The following CALD1 variants were observed in gnomAD, a reference collection of about 807,000 sequenced individuals.
CALD1 encodes the protein caldesmon 1.
In CALD1, 33 loss-of-function variants were observed where a neutral mutation model predicts 99.9. That is an observed-to-expected ratio of 0.33 (90% CI 0.25 to 0.44). CALD1 has a LOEUF of 0.44. CALD1 is among the 20% of genes least tolerant of loss of function. The probability of loss-of-function intolerance (pLI) is 1.00; values close to 1 mark genes in which losing one functional copy is unlikely to be tolerated. For synonymous variants in CALD1, 310 were observed against 325.0 expected, an observed-to-expected ratio of 0.95 and a Z score of 0.50; for missense variants, 861 against 962.1, an observed-to-expected ratio of 0.89 and a Z score of 1.39.
intron 3 of CALD1, among the ~76,000 whole-genome samples, chr7:134,927,672 G>A (rs985904347): frequency 6.6e-6 from 1 of 150,620 alleles, no homozygotes; most frequent in African/African-American, 2.4e-5. Context: ...GGGCCATTGT[G>A]ATGTGCCCAG....
At chr7:134,895,049 T>C (rs1375068378) in intron 3 of CALD1, among the ~76,000 whole-genome samples, 1 of 151,826 alleles carries the variant, frequency 6.6e-6, no homozygotes, top group East Asian at 1.9e-4. Context: ...ATTATTTAGT[T>C]CATCCCACTG....
At chr7:134,777,279 A>G (rs1406328078), upstream of CALD1, among the ~76,000 whole-genome samples, 1 of 152,170 alleles carries the variant, frequency 6.6e-6, no homozygotes, top group Admixed American at 6.5e-5. Flanking sequence ...TCAACTATAT[A>G]GTTCCTCCAT....
intron 1 of CALD1, among the ~76,000 whole-genome samples, chr7:134,763,320 C>T (rs1796795355): frequency 6.6e-6 from 1 of 152,134 alleles, no homozygotes; most frequent in South Asian, 2.1e-4. Flanking sequence ...GTGTAAATGG[C>T]AGGCAAAGAG....
chr7:134,811,322 G>C (rs1042020213), intron 1 of CALD1, among the ~76,000 whole-genome samples: 2 of 152,152 alleles, frequency 1.3e-5, no homozygotes, highest in Admixed American at 1.3e-4. Flanking sequence ...TCTTCACTGG[G>C]GGCAGGGGTC....
chr7:134,839,629 T>C (rs1799574716), intron 1 of CALD1, among the ~76,000 whole-genome samples: 1 of 152,200 alleles, frequency 6.6e-6, no homozygotes, highest in Non-Finnish European at 1.5e-5. Context: ...TAAGTTTCAA[T>C]TTGAATTTTT....
At chr7:134,899,771 G>T (rs779769919) in intron 3 of CALD1, 1 of 152,482 alleles carries the variant, frequency 6.6e-6, no homozygotes, top group Non-Finnish European at 1.5e-5. Context: ...AGCTTCCTGA[G>T]TAGCTAGGAC....
At chr7:134,756,698 G>C (rs965159821) in intron 1 of CALD1, among the ~76,000 whole-genome samples, 10 of 152,122 alleles carry the variant, frequency 6.6e-5, no homozygotes, top group Admixed American at 5.2e-4. Flanking sequence ...CAGCCAACTT[G>C]ATTTTATTTC....
chr7:134,891,380 T>C, intron 3 of CALD1: 3 of 1,254,516 alleles, frequency 2.4e-6, no homozygotes, highest in East Asian at 6.0e-5. Flanking sequence ...ATCAGCTCTC[T>C]GATGATCCTG....
At chr7:134,959,458 G>A (rs920197662) in intron 11 of CALD1, among the ~76,000 whole-genome samples, 12 of 152,148 alleles carry the variant, frequency 7.9e-5, no homozygotes, top group African/African-American at 2.9e-4. Context: ...GATCCCTTGA[G>A]CCCAGGAATT....
chr7:134,743,890 T>C (rs1796611315), upstream of CALD1, among the ~76,000 whole-genome samples: 1 of 152,224 alleles, frequency 6.6e-6, no homozygotes. Context: ...TTCACATGCG[T>C]AAAGTTGAGG....
At chr7:134,804,182 C>T (rs1798050568) in intron 1 of CALD1, among the ~76,000 whole-genome samples, 2 of 152,200 alleles carry the variant, frequency 1.3e-5, no homozygotes, top group Admixed American at 1.3e-4. Context: ...GCATCTTCCC[C>T]ATACTTTCAA....
the CALD1 span, among the ~76,000 whole-genome samples, chr7:134,726,749 G>A: frequency 2.6e-5 from 4 of 152,194 alleles, no homozygotes; most frequent in South Asian, 8.3e-4. Flanking sequence ...TAATAAAAGG[G>A]TATTGTGTAT....
At chr7:134,733,235 T>A in the CALD1 span, among the ~76,000 whole-genome samples, 6 of 152,210 alleles carry the variant, frequency 3.9e-5, no homozygotes, top group African/African-American at 1.2e-4. Flanking sequence ...TGGAACCCAG[T>A]GCTCAAGAGC....
chr7:134,837,330 T>C (rs2132119030), intron 1 of CALD1, among the ~76,000 whole-genome samples: 1 of 146,214 alleles, frequency 6.8e-6, no homozygotes, highest in East Asian at 2.0e-4. Flanking sequence ...AACAGACTTT[T>C]TTCTTTCGTT....
At chr7:134,729,582 C>T in the CALD1 span, among the ~76,000 whole-genome samples, 1 of 152,240 alleles carries the variant, frequency 6.6e-6, no homozygotes, top group Non-Finnish European at 1.5e-5. Context: ...ATTTGAAGGG[C>T]CGTACAGTGC....
chr7:134,795,472 A>G (rs2039343183), intron 1 of CALD1, among the ~76,000 whole-genome samples: 1 of 152,234 alleles, frequency 6.6e-6, no homozygotes, highest in South Asian at 2.1e-4. Context: ...TCTTTCCTTT[A>G]TAAATTACCC....
At chr7:134,915,721 T>C (rs942448779) in intron 3 of CALD1, among the ~76,000 whole-genome samples, 5 of 152,240 alleles carry the variant, frequency 3.3e-5, no homozygotes, top group Admixed American at 3.3e-4. Flanking sequence ...TTTAATATTA[T>C]TCTATCTGTT....
intron 3 of CALD1, among the ~76,000 whole-genome samples, chr7:134,907,803 C>G (rs11562045): frequency 0.27 from 41,738 of 152,002 alleles, 6,826 homozygotes; most frequent in East Asian, 0.43. Context: ...GGGAGCCACT[C>G]GTGGGCCCTC....
intron 3 of CALD1, among the ~76,000 whole-genome samples, chr7:134,917,996 T>C (rs187500742): frequency 6.6e-6 from 1 of 152,212 alleles, no homozygotes; most frequent in African/African-American, 2.4e-5. Flanking sequence ...AAAAAGTGAA[T>C]GTTTGTATCT....
Sources: gnomAD v4.1 joint callset for allele counts (sites outside exome capture counted in the v4.1 genomes callset) on GRCh38, gnomAD v4.1.1 for gene constraint, MANE v1.5 for transcripts, NCBI Gene and HGNC (gene_info 2026-07-23, HGNC 2026-07-21) for gene names.